The following NCOA1 variants were observed in gnomAD, a reference collection of about 807,000 sequenced individuals.
NCOA1 encodes the protein nuclear receptor coactivator 1.
Under a neutral mutation model 150.9 loss-of-function variants are expected in NCOA1, and 35 were observed. The ratio of observed to expected loss-of-function variants is 0.23; its 90% CI spans 0.18 to 0.31. The LOEUF (loss-of-function observed/expected upper bound fraction) is 0.31, where lower values mean the gene tolerates loss of function less well. NCOA1 is among the 10% of genes least tolerant of loss of function. The pLI, the probability that NCOA1 is intolerant of heterozygous loss-of-function variation, is 1.00. For synonymous variants in NCOA1, 590 were observed against 630.0 expected, an observed-to-expected ratio of 0.94 and a Z score of 0.95; for missense variants, 1,491 against 1,749.3, an observed-to-expected ratio of 0.85 and a Z score of 2.63.
chr2:24,713,028 A>G (rs1488236660), intron 14 of NCOA1, among the ~76,000 whole-genome samples: 2 of 152,158 alleles, frequency 1.3e-5, no homozygotes, highest in Non-Finnish European at 2.9e-5. Flanking sequence ...CAGGAGTTCA[A>G]GACCAGCTTG....
chr2:24,769,666 T>G lies in NCOA1; in HGVS notation c.*1275T>G, dbSNP rs1345405885. On this transcript the variant is annotated 3_prime_UTR_variant, in exon 23 of 23. Transcript: ENST00000348332. Reference sequence around the variant, plus strand: ...AAATATAAATTTCTCTATCCTGCTCTGAGGCTAATTGGTACCATATTTTCC... The same window carrying G: ...AAATATAAATTTCTCTATCCTGCTCGGAGGCTAATTGGTACCATATTTTCC... The G allele has an allele frequency of 4.7e-6, 1 of 213,774 alleles. No individual in the cohort carries two copies. Among genetic ancestry groups the G allele is most frequent in the Non-Finnish European group, 9.5e-6 (1 of 105,512 alleles). The allele number at this position is 213,774 out of a possible 1,614,324, so 13.2% of individuals were successfully genotyped here. A position where few individuals can be genotyped will look rare whatever the true frequency, so the allele number is the denominator to read the frequency against.
chr2:24,578,554 G>A (rs539952435), intron 2 of NCOA1, among the ~76,000 whole-genome samples: 2 of 152,198 alleles, frequency 1.3e-5, no homozygotes, highest in East Asian at 3.9e-4. Context: ...ATGCCCATTA[G>A]CTCTTAAGGA....
At position 24,727,769 on chromosome 2, in the gene NCOA1, T is replaced by C. The variant is rs546590222; in HGVS notation, c.2718-539T>C. 4.1e-4 allele frequency among the ~76,000 whole-genome samples: 63 copies of C among 152,372 alleles called. 1 individual carries two copies. In the South Asian group the frequency reaches 0.013, roughly 32 times the overall value. On this transcript the variant is annotated intron_variant, in intron 15 of 22. Coordinates refer to ENST00000348332, the MANE Select transcript of NCOA1 (RefSeq NM_003743.5). The stretch of plus-strand genomic sequence containing the variant: ...AGTGAATAATTTGTTGCTTAATACC[T>C]AGCATATTTCATTTTTCCAGTTTGA...
chr2:24,530,090 G>A (rs773652099), intron 1 of NCOA1, among the ~76,000 whole-genome samples: 4 of 152,098 alleles, frequency 2.6e-5, no homozygotes, highest in Admixed American at 6.5e-5. Context: ...AAAGATTTCC[G>A]GGTTTAGAGT....
intron 7 of NCOA1, among the ~76,000 whole-genome samples, chr2:24,675,013 G>A (rs1340778635): frequency 6.6e-6 from 1 of 152,050 alleles, no homozygotes; most frequent in Non-Finnish European, 1.5e-5. Flanking sequence ...CCCTTTCACA[G>A]TGTTCTTTCT....
Position 24,741,852 on chromosome 2 carries a change from G to A in NCOA1, c.3372G>A (p.Arg1124=), listed in dbSNP as rs1663618857. The change falls in exon 19 of 23, where the codon AGG becomes AGA. Residue 1124 remains arginine (R), a synonymous_variant. Coordinates refer to ENST00000348332, the MANE Select transcript of NCOA1 (RefSeq NM_003743.5). The stretch of plus-strand genomic sequence containing the variant: ...TGTACAGTCAACAGCACCGACAGAG[G>A]CAGCTAATACAGCAGCAAAGAGCCA... ...RELYSQQHRQ[R]QLIQQQRAML... is the part of the protein sequence containing the mutation. 1.9e-6 allele frequency: 3 copies of A among 1,614,196 alleles called. No individual in the cohort carries two copies. The highest frequency in any genetic ancestry group is 2.5e-6 in the Non-Finnish European group (3 of 1,180,028).
chr2:24,706,550 A>ATTTTTTTTTTTTTTTTT lies in NCOA1; in HGVS notation c.1098-17_1098-16insTTTTTTTTTTTTTTTTT. 6.4e-7 allele frequency: 1 copy of ATTTTTTTTTTTTTTTTT among 1,562,374 alleles called. No homozygotes were observed. Among genetic ancestry groups the ATTTTTTTTTTTTTTTTT allele is most frequent in the Admixed American group, 2.0e-5 (1 of 50,904 alleles). On this transcript the variant is annotated splice_polypyrimidine_tract_variant and intron_variant, in intron 12 of 22. Coordinates refer to ENST00000348332, the MANE Select transcript of NCOA1 (RefSeq NM_003743.5). ...AACAAATGAAGATGTTTGAATAATAATGTCTTTTTCCCCCTAGGGAGCACA... is the reference window on the plus strand; with the variant it reads ...AACAAATGAAGATGTTTGAATAATAATTTTTTTTTTTTTTTTTTGTCTTTTTCCCCCTAGGGAGCACA...
intron 17 of NCOA1, among the ~76,000 whole-genome samples, chr2:24,734,467 C>T (rs1663185656): frequency 6.6e-6 from 1 of 152,084 alleles, no homozygotes; most frequent in Non-Finnish European, 1.5e-5. Context: ...GGTATACTTG[C>T]TCTACCGATA....
At chr2:24,508,940 T>A (rs1663817910) in intron 1 of NCOA1, among the ~76,000 whole-genome samples, 1 of 152,162 alleles carries the variant, frequency 6.6e-6, no homozygotes, top group African/African-American at 2.4e-5. Context: ...TAGAAGAAAA[T>A]GGGGAGGCAT....
intron 1 of NCOA1, among the ~76,000 whole-genome samples, chr2:24,505,061 C>G (rs1219087750): frequency 6.6e-6 from 1 of 152,132 alleles, no homozygotes; most frequent in African/African-American, 2.4e-5. Flanking sequence ...GTTTGCAGAA[C>G]TACTAGGAAG....
At chr2:24,666,134 C>A (rs1198422032) in intron 6 of NCOA1, among the ~76,000 whole-genome samples, 1 of 151,740 alleles carries the variant, frequency 6.6e-6, no homozygotes, top group East Asian at 1.9e-4. Context: ...GCCTCAGCCT[C>A]CCAAGTAGCT....
intron 6 of NCOA1, among the ~76,000 whole-genome samples, chr2:24,671,553 T>C (rs1418334140): frequency 6.6e-6 from 1 of 152,190 alleles, no homozygotes; most frequent in Non-Finnish European, 1.5e-5. Context: ...TATTTGCTTA[T>C]AATTGATCCT....
At chr2:24,608,704 G>GTTTTTT (rs56710627) in intron 3 of NCOA1, among the ~76,000 whole-genome samples, 46 of 117,308 alleles carry the variant, frequency 3.9e-4, no homozygotes, top group African/African-American at 1.1e-3. Flanking sequence ...TTGTTGTTGT[G>GTTTTTT]TTTTTTTTTT....
chr2:24,628,478 A>G (rs1474143189), intron 3 of NCOA1, among the ~76,000 whole-genome samples: 1 of 152,126 alleles, frequency 6.6e-6, no homozygotes, highest in Non-Finnish European at 1.5e-5. Flanking sequence ...TTAATTGCAT[A>G]TATTAATTTT....
At chr2:24,667,328 C>CT (rs1671476720) in intron 6 of NCOA1, among the ~76,000 whole-genome samples, 1 of 152,026 alleles carries the variant, frequency 6.6e-6, no homozygotes, top group Non-Finnish European at 1.5e-5. Context: ...ACTGAGCAGT[C>CT]GGAAGATGAA....
intron 19 of NCOA1, among the ~76,000 whole-genome samples, chr2:24,747,327 CTTTTTTTTTTTT>C (rs148901218): frequency 1.7e-5 from 2 of 120,170 alleles, no homozygotes; most frequent in East Asian, 4.6e-4. Flanking sequence ...TTATTTTTCT[CTTTTTTTTTTTT>C]TTTTTTTTTA....
At position 24,752,062 on chromosome 2, in the gene NCOA1, C is replaced by T. The variant is rs1159865573; in HGVS notation, c.3787C>T (p.Pro1263Ser). 1.2e-6 allele frequency: 2 copies of T among 1,614,182 alleles called. No individual in the cohort carries two copies. The highest frequency in any genetic ancestry group is 2.2e-5 in the South Asian group (2 of 91,078). The change falls in exon 20 of 23, where the codon CCT (proline) becomes TCT (serine). Residue 1263 changes from proline to serine, a missense_variant. By Grantham distance (74) the Pro-to-Ser change is moderately conservative. This residue lies in a region of NCOA1 where 485 missense variants were observed against 522.8 expected (regional missense o/e 0.93). Coordinates refer to ENST00000348332, the MANE Select transcript of NCOA1 (RefSeq NM_003743.5). Reference sequence around the variant, plus strand: ...CATGGTGCCGATGCCAATCCCTCCTCCTCAGAGTTCTCTTCTCCAGCAAAC... The same window carrying T: ...CATGGTGCCGATGCCAATCCCTCCTTCTCAGAGTTCTCTTCTCCAGCAAAC... ...SSMVPMPIPP[P>S]QSSLLQQTPP... is the part of the protein sequence containing the mutation.
chr2:24,555,110 A>C (rs1371185018), intron 1 of NCOA1, among the ~76,000 whole-genome samples: 3 of 152,160 alleles, frequency 2.0e-5, no homozygotes, highest in Admixed American at 1.3e-4. Flanking sequence ...AGTGAGAGAG[A>C]GGGGACTTCC....
intron 1 of NCOA1, among the ~76,000 whole-genome samples, chr2:24,557,895 C>A (rs1406027541): frequency 1.3e-5 from 2 of 151,440 alleles, no homozygotes; most frequent in African/African-American, 4.9e-5. Context: ...TCTTCATTTT[C>A]AGCAGTTTGA....
Sources: allele counts gnomAD v4.1 joint callset (sites outside exome capture counted in the v4.1 genomes callset), GRCh38; gene constraint gnomAD v4.1.1; regional missense constraint gnomAD v4.1.1; transcripts MANE v1.5; gene names NCBI Gene and HGNC (gene_info 2026-07-23, HGNC 2026-07-21).